The following TEX36 variants were observed in gnomAD, a reference collection of about 807,000 sequenced individuals.
TEX36 encodes testis-expressed protein 36.
TEX36 carries 12 observed loss-of-function variants against 13.6 expected under a neutral mutation model. The ratio of observed to expected loss-of-function variants is 0.88; its 90% CI spans 0.56 to 1.43. The LOEUF (loss-of-function observed/expected upper bound fraction) is 1.43. Among genes scored for constraint, TEX36 ranks in the 40% most tolerant of loss-of-function variants. The probability of loss-of-function intolerance (pLI) is 0.00; values close to 1 mark genes in which losing one functional copy is unlikely to be tolerated. For missense variants in TEX36, 224 were observed against 228.3 expected (o/e 0.98, Z 0.12); for synonymous variants, 93 against 83.0 (o/e 1.12, Z -0.65).
intron 3 of TEX36, among the ~76,000 whole-genome samples, chr10:125,600,894 C>G (rs1846137956): frequency 6.6e-6 from 1 of 152,224 alleles, no homozygotes; most frequent in Non-Finnish European, 1.5e-5. Flanking sequence ...CCATTTCTAT[C>G]TGGATCCTAC....
intron 3 of TEX36, among the ~76,000 whole-genome samples, chr10:125,647,335 A>G (rs1272205338): frequency 6.6e-6 from 1 of 152,194 alleles, no homozygotes; most frequent in Admixed American, 6.5e-5. Context: ...TAAAATATGC[A>G]GGGCTTTTAT....
chr10:125,608,586 G>A (rs983864387), intron 3 of TEX36, among the ~76,000 whole-genome samples: 2 of 152,136 alleles, frequency 1.3e-5, no homozygotes, highest in East Asian at 3.9e-4. Context: ...CATGTCTAGT[G>A]TCTGGGCTAC....
At chr10:125,621,464 T>C (rs1187991335), downstream of TEX36, 2 of 344,160 alleles carry the variant, frequency 5.8e-6, no homozygotes, top group East Asian at 7.5e-5. Flanking sequence ...TGTTTTCATG[T>C]GCTGGTGTGG....
rs138450849 is a variant in TEX36 at position 125,579,952 on chromosome 10, T to C, written c.265-3078A>G. 6.2e-3 allele frequency among the ~76,000 whole-genome samples: 942 copies of C among 152,272 alleles called. 11 individuals carry two copies. The highest frequency in any genetic ancestry group is 0.021 in the African/African-American group (870 of 41,552). ...ACAATGTGAGAATGGACTAATACAGTCTCCCCAGTTTGAAGTAAGCTTCTT... is the reference window on the plus strand; with the variant it reads ...ACAATGTGAGAATGGACTAATACAGCCTCCCCAGTTTGAAGTAAGCTTCTT... On this transcript the variant is annotated intron_variant, in intron 3 of 3. Coordinates refer to the TEX36 transcript ENST00000532135.
At chr10:125,593,388 G>A (rs946659624) in intron 3 of TEX36, among the ~76,000 whole-genome samples, 11 of 152,256 alleles carry the variant, frequency 7.2e-5, no homozygotes, top group African/African-American at 2.4e-4. Flanking sequence ...AATGGAATTT[G>A]TAGACCTAGA....
At chr10:125,589,565 T>G (rs987670417) in intron 3 of TEX36, among the ~76,000 whole-genome samples, 10 of 152,318 alleles carry the variant, frequency 6.6e-5, no homozygotes, top group Non-Finnish European at 1.3e-4. Flanking sequence ...TTTTGTAAAT[T>G]TGATCAGTAT....
rs1337796386 is a variant in TEX36, at chr10:125,662,016, A to G, written c.52-39T>C. On this transcript the variant is annotated intron_variant, in intron 1 of 3. Coordinates refer to ENST00000368821, the MANE Select transcript of TEX36 (RefSeq NM_001128202.3). ...ACACGCCTTGATTAAAACCAGACAC[A>G]TTTGAATCTACAAGCCAAGTATCAG... The G allele has an allele frequency of 2.6e-6, 4 of 1,551,782 alleles. No individual in the cohort carries two copies. In the African/African-American group the frequency reaches 4.1e-5, roughly 16 times the overall value.
At position 125,655,886 on chromosome 10, in the gene TEX36, A is replaced by G. The variant is rs1376109457; in HGVS notation, c.*14T>C. 2 of 1,465,452 alleles carry G rather than the reference A, an allele frequency of 1.4e-6. No homozygotes were observed. Among genetic ancestry groups the G allele is most frequent in the Admixed American group, 2.7e-5 (1 of 36,944 alleles). The allele number at this position is 1,465,452 out of a possible 1,614,324, so 90.8% of individuals were successfully genotyped here. A position where few individuals can be genotyped will look rare whatever the true frequency, so the allele number is the denominator to read the frequency against. ...ACCAGTATTACAAAATTCATCAAAAATCTTCTGGGAGGATTAGGACTCCAG... is the reference window on the plus strand; with the variant it reads ...ACCAGTATTACAAAATTCATCAAAAGTCTTCTGGGAGGATTAGGACTCCAG... On this transcript the variant is annotated 3_prime_UTR_variant, in exon 4 of 4. Transcript: ENST00000368821.
chr10:125,598,066 G>T (rs1301862513), intron 3 of TEX36, among the ~76,000 whole-genome samples: 1 of 152,172 alleles, frequency 6.6e-6, no homozygotes. Context: ...GGGTTAAGGA[G>T]GGTGGGAGTG....
intron 1 of TEX36, 130 bp downstream of exon 1, chr10:125,682,809 G>T: frequency 9.9e-7 from 1 of 1,013,956 alleles, no homozygotes; most frequent in Non-Finnish European, 1.5e-6. Flanking sequence ...AGAAACTGAG[G>T]TTGAGTAAAG....
chr10:125,651,052 G>A (rs1024265953), downstream of TEX36, among the ~76,000 whole-genome samples: 12 of 152,144 alleles, frequency 7.9e-5, no homozygotes, highest in Admixed American at 1.3e-4. Flanking sequence ...ATTCACAGCC[G>A]AATTCTACCA....
At chr10:125,648,679 C>G (rs2133582506) in intron 3 of TEX36, among the ~76,000 whole-genome samples, 1 of 152,310 alleles carries the variant, frequency 6.6e-6, no homozygotes, top group African/African-American at 2.4e-5. Context: ...GAGAAGAAGG[C>G]TTCAGACGAT....
At chr10:125,592,266 G>C (rs2133533816) in intron 3 of TEX36, among the ~76,000 whole-genome samples, 1 of 152,216 alleles carries the variant, frequency 6.6e-6, no homozygotes, top group Middle Eastern at 3.4e-3. Context: ...GTGGCAAGTG[G>C]AGACCATCCC....
At chr10:125,671,567 A>G (rs1319605741) in intron 1 of TEX36, among the ~76,000 whole-genome samples, 1 of 152,196 alleles carries the variant, frequency 6.6e-6, no homozygotes, top group Non-Finnish European at 1.5e-5. Flanking sequence ...ATCAATGTTC[A>G]TCATGGATAT....
At chr10:125,648,682 C>T (rs1846808512) in intron 3 of TEX36, among the ~76,000 whole-genome samples, 1 of 152,186 alleles carries the variant, frequency 6.6e-6, no homozygotes. Context: ...AAGAAGGCTT[C>T]AGACGATCAG....
intron 3 of TEX36, among the ~76,000 whole-genome samples, chr10:125,640,576 G>T (rs1181196131): frequency 6.6e-6 from 1 of 152,034 alleles, no homozygotes; most frequent in Non-Finnish European, 1.5e-5. Flanking sequence ...TGTTTTGATG[G>T]GTACTTATAA....
chr10:125,658,383 T>G (rs1007185825), intron 3 of TEX36, among the ~76,000 whole-genome samples: 2 of 152,048 alleles, frequency 1.3e-5, no homozygotes, highest in Admixed American at 6.5e-5. Flanking sequence ...AACAAAAATT[T>G]TTGATGCAGA....
At chr10:125,598,565 CCGGCCT>C (rs1846108695) in intron 3 of TEX36, among the ~76,000 whole-genome samples, 1 of 152,176 alleles carries the variant, frequency 6.6e-6, no homozygotes, top group African/African-American at 2.4e-5. Flanking sequence ...CATTGCCAAG[CCGGCCT>C]AATTTTCATG....
At chr10:125,647,607 A>G (rs7076513) in intron 3 of TEX36, among the ~76,000 whole-genome samples, 43,678 of 151,910 alleles carry the variant, frequency 0.29, 10,020 homozygotes, top group African/African-American at 0.61. Context: ...TGTGAGTGAC[A>G]CAGAAGATGG....
Sources: gnomAD v4.1 joint callset for allele counts (sites outside exome capture counted in the v4.1 genomes callset) on GRCh38, gnomAD v4.1.1 for gene constraint, MANE v1.5 for transcripts, NCBI Gene and HGNC (gene_info 2026-07-23, HGNC 2026-07-21) for gene names.